The following CAPN3 variants were observed in gnomAD, a reference collection of about 807,000 sequenced individuals.
CAPN3 encodes calpain 3, also known as calpain-3.
Under a neutral mutation model 114.0 loss-of-function variants are expected in CAPN3, and 88 were observed. That is an observed-to-expected ratio of 0.77 (90% CI 0.65 to 0.92). The LOEUF (loss-of-function observed/expected upper bound fraction) is 0.92. CAPN3 is among the 40% of genes least tolerant of loss of function. The pLI, the probability that CAPN3 is intolerant of heterozygous loss-of-function variation, is 0.00. For synonymous variants in CAPN3, 386 were observed against 382.9 expected, an observed-to-expected ratio of 1.01 and a Z score of -0.09; for missense variants, 1,028 against 1,069.0, an observed-to-expected ratio of 0.96 and a Z score of 0.53.
chr15:42,402,761 G>C (rs143412460), intron 12 of CAPN3, 33 bp from the exon 13 acceptor site: 2 of 1,606,950 alleles, frequency 1.2e-6, no homozygotes, highest in Non-Finnish European at 1.7e-6. Flanking sequence ...CTCCCGAGGG[G>C]CTCATGTGCC....
At chr15:42,386,841 T>C (rs556738685) in intron 3 of CAPN3, among the ~76,000 whole-genome samples, 30 of 152,298 alleles carry the variant, frequency 2.0e-4, no homozygotes, top group African/African-American at 6.7e-4. Context: ...CCAGTCACCT[T>C]GGCATAGAGC....
chr15:42,382,229 T>C (rs1209369375), intron 1 of CAPN3, among the ~76,000 whole-genome samples: 1 of 152,144 alleles, frequency 6.6e-6, no homozygotes. Flanking sequence ...TTTCTTTGAA[T>C]CCCAGTAATT....
chr15:42,379,724 T>G (rs1041676508), intron 1 of CAPN3, among the ~76,000 whole-genome samples: 1 of 152,236 alleles, frequency 6.6e-6, no homozygotes, highest in Non-Finnish European at 1.5e-5. Flanking sequence ...TTGTCCTTGT[T>G]CTGAAGTCTG....
intron 14 of CAPN3, chr15:42,404,687 C>G: frequency 8.4e-7 from 1 of 1,184,690 alleles, no homozygotes; most frequent in African/African-American, 1.6e-5. Flanking sequence ...CTGTAGTCAG[C>G]TGACAGTCCT....
At chr15:42,388,490 A>G (rs896998265) in intron 4 of CAPN3, among the ~76,000 whole-genome samples, 1 of 152,042 alleles carries the variant, frequency 6.6e-6, no homozygotes, top group Non-Finnish European at 1.5e-5. Context: ...ATTTTTTTGT[A>G]GAGACGGGGT....
chr15:42,366,982 C>T (rs983037144), intron 1 of CAPN3, among the ~76,000 whole-genome samples: 2 of 151,742 alleles, frequency 1.3e-5, no homozygotes, highest in East Asian at 1.9e-4. Context: ...TACAGGCATG[C>T]GCCACCATGC....
rs760891133 is a variant in CAPN3, at chr15:42,410,982, A to T, written c.2362A>T (p.Arg788Trp). 6.2e-7 allele frequency: 1 copy of T among 1,613,860 alleles called. No individual in the cohort carries two copies. The highest frequency in any genetic ancestry group is 8.5e-7 in the Non-Finnish European group (1 of 1,179,702). The change falls in exon 22 of 24, where the codon AGG (arginine) becomes TGG (tryptophan). Residue 788 changes from arginine to tryptophan, a missense_variant. Physicochemically the swap from Arg to Trp is moderately radical, Grantham distance 101. Coordinates refer to ENST00000397163, the MANE Select transcript of CAPN3 (RefSeq NM_000070.3). ...DFDSFICCFV[R>W]LEGMFRAFHA... ...TGACAGTTTCATCTGCTGCTTCGTTAGGCTGGAGGGCATGTTCAGTAAGTG... is the reference window on the plus strand; with the variant it reads ...TGACAGTTTCATCTGCTGCTTCGTTTGGCTGGAGGGCATGTTCAGTAAGTG...
chr15:42,412,258 A>C lies in CAPN3; in HGVS notation c.*485A>C. 9.3e-6 allele frequency: 13 copies of C among 1,399,102 alleles called. No homozygotes were observed. Among genetic ancestry groups the C allele is most frequent in the African/African-American group, 2.9e-5 (2 of 69,916 alleles). The allele number at this position is 1,399,102 out of a possible 1,614,324, so 86.7% of individuals were successfully genotyped here. On this transcript the variant is annotated 3_prime_UTR_variant, in exon 24 of 24. Transcript: ENST00000397163. ...CTGGTTACTTTGGGCTGTCCAACTC[A>C]TAAGTTTGGCTGCATTTTGAAAAAA...
At chr15:42,394,373 G>A (rs370399511) in intron 8 of CAPN3, 32 bp downstream of exon 8, 3 of 1,519,656 alleles carry the variant, frequency 2.0e-6, no homozygotes, top group Non-Finnish European at 2.7e-6. Flanking sequence ...GATTGGCGGT[G>A]GCGGGGAACA....
At chr15:42,362,061 C>CA (rs1400354643) in intron 1 of CAPN3, among the ~76,000 whole-genome samples, 1 of 152,192 alleles carries the variant, frequency 6.6e-6, no homozygotes, top group African/African-American at 2.4e-5. Flanking sequence ...AACCCACGCC[C>CA]AAGGGCCTTG....
In CAPN3 at chr15:42,408,212, C is replaced by G; in HGVS notation, c.1802C>G (p.Pro601Arg). ...CTGCCTCCTCCCTCCTCTCTCCAGCCCATCATCTTCGTTTCGGACAGAGCA... is the reference window on the plus strand; with the variant it reads ...CTGCCTCCTCCCTCCTCTCTCCAGCGCATCATCTTCGTTTCGGACAGAGCA... Reference protein sequence around the residue: ...DRPVKKKKTKPIIFVSDRANS... With the variant: ...DRPVKKKKTKRIIFVSDRANS... Residue 601 changes from proline to arginine, a missense_variant and splice_region_variant, in exon 16 of 24, where the codon CCC becomes CGC. By Grantham distance (103) the Pro-to-Arg change is moderately radical. Coordinates refer to ENST00000397163, the MANE Select transcript of CAPN3 (RefSeq NM_000070.3). The G allele has an allele frequency of 6.2e-7, 1 of 1,610,064 alleles. No individual in the cohort carries two copies. Among genetic ancestry groups the G allele is most frequent in the Non-Finnish European group, 8.5e-7 (1 of 1,176,956 alleles).
chr15:42,397,438 G>C (rs886721126), intron 9 of CAPN3, among the ~76,000 whole-genome samples: 2 of 152,106 alleles, frequency 1.3e-5, no homozygotes, highest in Non-Finnish European at 2.9e-5. Flanking sequence ...TCAGGAGATC[G>C]AGAACATCTT....
Position 42,410,558 on chromosome 15 carries a change from G to A in CAPN3, c.2185-30G>A, listed in dbSNP as rs755161628. On this transcript the variant is annotated intron_variant, in intron 20 of 23. Coordinates refer to ENST00000397163, the MANE Select transcript of CAPN3 (RefSeq NM_000070.3). The stretch of plus-strand genomic sequence containing the variant: ...GGGTTGATTTGGAGATTCAGTGTGT[G>A]ACCTCCATCCTCAAATTTTCTATTG... 5 of 1,609,064 alleles carry A rather than the reference G, an allele frequency of 3.1e-6. No individual in the cohort carries two copies. In the South Asian group the frequency reaches 4.4e-5, roughly 14 times the overall value.
rs141693768 is a variant in CAPN3 at position 42,404,000 on chromosome 15, A to G, written c.1782+223A>G. The G allele has an allele frequency of 3.6e-3, 2,309 of 649,406 alleles. 11 individuals are homozygous for G. The highest frequency in any genetic ancestry group is 4.8e-3 in the Non-Finnish European group (1,677 of 350,238). The allele number at this position is 649,406 out of a possible 1,614,324, so 40.2% of individuals were successfully genotyped here. On this transcript the variant is annotated intron_variant, in intron 14 of 23. Transcript: ENST00000397163. ...TGAGGCAGTTCAGGGGCTGGGAAATATGGAAGAGGGTCCTGGAAAGGAGAA... is the reference window on the plus strand; with the variant it reads ...TGAGGCAGTTCAGGGGCTGGGAAATGTGGAAGAGGGTCCTGGAAAGGAGAA...
chr15:42,387,700 A>G, intron 3 of CAPN3, 53 bp from the exon 4 acceptor site: 2 of 1,611,262 alleles, frequency 1.2e-6, no homozygotes, highest in Non-Finnish European at 1.7e-6. Flanking sequence ...GGAAGGACAC[A>G]TTTCCTAACA....
rs28364505 is a variant in CAPN3 at position 42,405,464 on chromosome 15, T to C, written c.1783-462T>C. On this transcript the variant is annotated intron_variant, in intron 14 of 23. Transcript: ENST00000397163. ...TAGCTGAGATTACAGGTGCCCACCA[T>C]CACGCCTGGATAATTTTTGTATTTT... is the stretch of plus-strand genomic sequence containing the variant. 6.6e-5 allele frequency among the ~76,000 whole-genome samples: 10 copies of C among 152,164 alleles called. No homozygotes were observed. The East Asian group carries it at 1.9e-3, about 30-fold the overall frequency.
chr15:42,407,340 GTTTT>G (rs28364521), intron 15 of CAPN3, among the ~76,000 whole-genome samples: 3 of 151,478 alleles, frequency 2.0e-5, no homozygotes, highest in Non-Finnish European at 2.9e-5. Context: ...GATATTTTTG[GTTTT>G]TTTTGAGACA....
chr15:42,379,461 T>C (rs904382811), intron 1 of CAPN3, among the ~76,000 whole-genome samples: 1 of 152,196 alleles, frequency 6.6e-6, no homozygotes, highest in African/African-American at 2.4e-5. Context: ...TGGTTGATAG[T>C]GTTGTTCAGG....
At chr15:42,365,797 C>A (rs1402327048) in intron 1 of CAPN3, among the ~76,000 whole-genome samples, 4 of 152,176 alleles carry the variant, frequency 2.6e-5, no homozygotes, top group Admixed American at 2.0e-4. Flanking sequence ...TTCTTCACTC[C>A]TGGGGCCAGC....
Sources: gnomAD v4.1 joint callset for allele counts (sites outside exome capture counted in the v4.1 genomes callset) on GRCh38, gnomAD v4.1.1 for gene constraint, MANE v1.5 for transcripts, NCBI Gene and HGNC (gene_info 2026-07-23, HGNC 2026-07-21) for gene names.